The following BMAL1 variants were observed in gnomAD, a reference collection of about 807,000 sequenced individuals.
BMAL1 encodes the protein basic helix-loop-helix ARNT-like protein 1.
the BMAL1 span, among the ~76,000 whole-genome samples, chr11:13,374,511 A>G: frequency 5.3e-5 from 8 of 152,154 alleles, no homozygotes; most frequent in African/African-American, 1.7e-4. Context: ...TCAAGCCTGC[A>G]CTACCTCCTG....
chr11:13,312,304 G>A, the BMAL1 span, among the ~76,000 whole-genome samples: 63,523 of 151,996 alleles, frequency 0.42, 13,320 homozygotes, highest in East Asian at 0.58. Context: ...ACCCGGGTCT[G>A]TATAATCCCT....
the BMAL1 span, chr11:13,376,852 G>A: frequency 4.7e-6 from 4 of 843,900 alleles, no homozygotes; most frequent in Non-Finnish European, 7.2e-6. Flanking sequence ...AGGCCTCGAG[G>A]GGATGATGTG....
chr11:13,365,856 G>A, the BMAL1 span, among the ~76,000 whole-genome samples: 1 of 152,176 alleles, frequency 6.6e-6, no homozygotes, highest in African/African-American at 2.4e-5. Flanking sequence ...CACAATATGT[G>A]GCAAGGACAG....
chr11:13,369,820 G>A, the BMAL1 span: 3 of 1,580,752 alleles, frequency 1.9e-6, no homozygotes, highest in Non-Finnish European at 2.6e-6. Context: ...CATGCTTTCT[G>A]CAGCGGAGCT....
At chr11:13,331,980 G>A in the BMAL1 span, among the ~76,000 whole-genome samples, 1 of 152,190 alleles carries the variant, frequency 6.6e-6, no homozygotes, top group Admixed American at 6.5e-5. Context: ...CCTAAACTAA[G>A]GCTGTAGCGG....
chr11:13,360,038 G>A, the BMAL1 span, among the ~76,000 whole-genome samples: 1 of 152,202 alleles, frequency 6.6e-6, no homozygotes, highest in East Asian at 1.9e-4. Flanking sequence ...TTCCAGAGCT[G>A]CCTTCTTTCT....
chr11:13,309,306 AC>A, the BMAL1 span, among the ~76,000 whole-genome samples: 159 of 152,136 alleles, frequency 1.0e-3, no homozygotes, highest in African/African-American at 3.7e-3. Flanking sequence ...ATCGGGGGAA[AC>A]CATGCAAGCT....
At chr11:13,340,553 A>T in the BMAL1 span, among the ~76,000 whole-genome samples, 2 of 152,124 alleles carry the variant, frequency 1.3e-5, no homozygotes, top group Non-Finnish European at 2.9e-5. Flanking sequence ...GGAGTCCTCA[A>T]TGCTTCCTGC....
chr11:13,284,280 T>A, the BMAL1 span, among the ~76,000 whole-genome samples: 1 of 139,760 alleles, frequency 7.2e-6, no homozygotes. Context: ...TTTTTTTTAA[T>A]GCCAGTTGTT....
the BMAL1 span, chr11:13,365,521 G>A: frequency 5.6e-6 from 9 of 1,613,224 alleles, no homozygotes; most frequent in Non-Finnish European, 7.6e-6. Context: ...ATTTTTGTTT[G>A]TCGTAGGATG....
the BMAL1 span, among the ~76,000 whole-genome samples, chr11:13,313,449 G>A: frequency 1.3e-5 from 2 of 152,100 alleles, no homozygotes; most frequent in Admixed American, 6.5e-5. Flanking sequence ...ACCTCAACCT[G>A]TCTGTCCCCT....
chr11:13,318,707 T>C, the BMAL1 span, among the ~76,000 whole-genome samples: 1 of 152,140 alleles, frequency 6.6e-6, no homozygotes, highest in Admixed American at 6.5e-5. Context: ...TTCTAGCTAG[T>C]GCACTCTGAG....
At chr11:13,344,723 A>G in the BMAL1 span, among the ~76,000 whole-genome samples, 1 of 152,196 alleles carries the variant, frequency 6.6e-6, no homozygotes, top group Non-Finnish European at 1.5e-5. Flanking sequence ...CAGTGGGGAC[A>G]GGGCCCCATC....
chr11:13,358,411 T>C, the BMAL1 span: 2 of 1,508,320 alleles, frequency 1.3e-6, no homozygotes, highest in Non-Finnish European at 1.8e-6. Flanking sequence ...TTATAAGAAA[T>C]CGTTTTTCAT....
At chr11:13,343,244 T>C in the BMAL1 span, among the ~76,000 whole-genome samples, 1 of 152,152 alleles carries the variant, frequency 6.6e-6, no homozygotes, top group Non-Finnish European at 1.5e-5. Context: ...GAGAACATGC[T>C]CTGAATCAGT....
chr11:13,318,068 G>T, the BMAL1 span, among the ~76,000 whole-genome samples: 217 of 152,362 alleles, frequency 1.4e-3, no homozygotes, highest in African/African-American at 4.9e-3. Context: ...CGGAAGAGTG[G>T]TGGTCCCTCC....
chr11:13,369,348 G>C, the BMAL1 span, among the ~76,000 whole-genome samples: 1 of 152,080 alleles, frequency 6.6e-6, no homozygotes, highest in African/African-American at 2.4e-5. Flanking sequence ...GCGTCTATTG[G>C]GCAAGAACCC....
At chr11:13,330,541 G>A in the BMAL1 span, among the ~76,000 whole-genome samples, 1 of 152,228 alleles carries the variant, frequency 6.6e-6, no homozygotes, top group Non-Finnish European at 1.5e-5. Flanking sequence ...CAAGGGCTTC[G>A]TAAATCAACC....
At chr11:13,376,483 T>C in the BMAL1 span, 4 of 750,308 alleles carry the variant, frequency 5.3e-6, no homozygotes, top group African/African-American at 5.1e-5. Context: ...ATCCATTATA[T>C]TATCAAACAG....
Sources: allele counts gnomAD v4.1 joint callset (sites outside exome capture counted in the v4.1 genomes callset), GRCh38; gene constraint gnomAD v4.1.1; transcripts MANE v1.5; gene names NCBI Gene and HGNC (gene_info 2026-07-23, HGNC 2026-07-21).